MFHAS1: variants seen among roughly 807,000 people sequenced by gnomAD.
MFHAS1 encodes malignant fibrous histiocytoma-amplified sequence 1.
A neutral mutation model predicts 70.4 loss-of-function variants in MFHAS1; 50 were observed. The ratio of observed to expected loss-of-function variants is 0.71; its 90% CI spans 0.57 to 0.90. The LOEUF (loss-of-function observed/expected upper bound fraction) is 0.90, where lower values mean the gene tolerates loss of function less well. Among genes scored for constraint, MFHAS1 ranks in the 40% least tolerant of loss-of-function variants. MFHAS1 has a pLI of 0.00. For synonymous variants in MFHAS1, 952 were observed against 620.0 expected, an observed-to-expected ratio of 1.54 and a Z score of -7.96; for missense variants, 1,795 against 1,347.6, an observed-to-expected ratio of 1.33 and a Z score of -5.20.
At chr8:8,796,927 C>A (rs1466448114) in intron 2 of MFHAS1, among the ~76,000 whole-genome samples, 1 of 151,596 alleles carries the variant, frequency 6.6e-6, no homozygotes, top group South Asian at 2.1e-4. Flanking sequence ...ACCCGGGAGG[C>A]GGAGCTTGCA....
intron 1 of MFHAS1, among the ~76,000 whole-genome samples, chr8:8,853,003 C>A (rs1383818212): frequency 6.6e-6 from 1 of 152,058 alleles, no homozygotes; most frequent in East Asian, 1.9e-4. Context: ...GCCTAAAAAA[C>A]CCAATATCAC....
At chr8:8,863,796 T>G (rs1808753668) in intron 1 of MFHAS1, among the ~76,000 whole-genome samples, 1 of 152,192 alleles carries the variant, frequency 6.6e-6, no homozygotes, top group Non-Finnish European at 1.5e-5. Context: ...CTAATGAGCT[T>G]AGAAATTGAC....
At chr8:8,848,301 G>A (rs1027239270) in intron 1 of MFHAS1, among the ~76,000 whole-genome samples, 25 of 151,690 alleles carry the variant, frequency 1.6e-4, no homozygotes, top group Admixed American at 6.6e-4. Context: ...AAGGGATTAT[G>A]ACTCCAATTT....
intron 1 of MFHAS1, among the ~76,000 whole-genome samples, chr8:8,862,807 T>G (rs569691114): frequency 1.6e-4 from 25 of 152,202 alleles, no homozygotes; most frequent in South Asian, 1.0e-3. Flanking sequence ...TGGAGGAGGC[T>G]GCGCATGTGT....
At chr8:8,852,569 G>A (rs916418285) in intron 1 of MFHAS1, among the ~76,000 whole-genome samples, 5 of 152,148 alleles carry the variant, frequency 3.3e-5, no homozygotes, top group African/African-American at 9.7e-5. Context: ...AAACCAATGG[G>A]AGGATTTTAT....
chr8:8,882,979 C>T (rs554037641), intron 1 of MFHAS1, among the ~76,000 whole-genome samples: 11 of 152,024 alleles, frequency 7.2e-5, no homozygotes, highest in African/African-American at 2.7e-4. Context: ...ATGGTGAAAC[C>T]CTGTGTCTAC....
At chr8:8,850,787 G>A (rs1808216237) in intron 1 of MFHAS1, among the ~76,000 whole-genome samples, 1 of 146,846 alleles carries the variant, frequency 6.8e-6, no homozygotes. Context: ...ATCGTGCCTG[G>A]GCAACAGGAG....
chr8:8,791,035 C>A (rs1210776407), intron 2 of MFHAS1, among the ~76,000 whole-genome samples: 2 of 151,524 alleles, frequency 1.3e-5, no homozygotes, highest in Non-Finnish European at 2.9e-5. Flanking sequence ...TTTCGAAATG[C>A]AATAACTCAG....
chr8:8,846,261 A>AG lies in MFHAS1; in HGVS notation c.2998+43799dup, dbSNP rs370241850. ...GAGCGAGACTCTGTCTCCAAAAAAA[A>AG]GGGGGGGGGGGAAGGAGGAGGAGGG... is the stretch of plus-strand genomic sequence containing the variant. On this transcript the variant is annotated intron_variant, in intron 1 of 2. Coordinates refer to ENST00000276282, the MANE Select transcript of MFHAS1 (RefSeq NM_004225.3). Among the ~76,000 whole-genome samples, 506 of 61,108 alleles carry AG rather than the reference A, an allele frequency of 8.3e-3. 3 individuals carry two copies. Among genetic ancestry groups the AG allele is most frequent in the African/African-American group, 0.012 (192 of 16,292 alleles). The allele number at this position is 61,108 out of a possible 152,430, so 40.1% of individuals were successfully genotyped here.
intron 1 of MFHAS1, among the ~76,000 whole-genome samples, chr8:8,837,989 T>C (rs1325070027): frequency 2.0e-5 from 3 of 152,326 alleles, no homozygotes; most frequent in African/African-American, 4.8e-5. Flanking sequence ...TGCATGTTCA[T>C]AACAATTTTA....
chr8:8,880,660 G>C (rs1809482111), intron 1 of MFHAS1, among the ~76,000 whole-genome samples: 2 of 151,584 alleles, frequency 1.3e-5, no homozygotes, highest in East Asian at 1.9e-4. Context: ...TGTCGGTCTA[G>C]GGCAGGACAT....
chr8:8,797,319 G>A (rs1805939651), intron 2 of MFHAS1, 46 bp downstream of exon 2: 1 of 1,607,468 alleles, frequency 6.2e-7, no homozygotes, highest in Non-Finnish European at 8.5e-7. Context: ...TATGGAGCTG[G>A]GATCAGGAGC....
chr8:8,825,801 G>C (rs898435574), intron 1 of MFHAS1, among the ~76,000 whole-genome samples: 5 of 152,152 alleles, frequency 3.3e-5, no homozygotes, highest in African/African-American at 1.2e-4. Flanking sequence ...CCATAACAAA[G>C]GCTAAGTAAG....
intron 1 of MFHAS1, among the ~76,000 whole-genome samples, chr8:8,885,118 C>T (rs1054715252): frequency 1.3e-5 from 2 of 152,082 alleles, no homozygotes; most frequent in African/African-American, 4.8e-5. Context: ...CAAACACCAA[C>T]AAAACAAGTC....
intron 1 of MFHAS1, among the ~76,000 whole-genome samples, chr8:8,841,591 C>T (rs148678037): frequency 1.9e-3 from 286 of 152,298 alleles, no homozygotes; most frequent in African/African-American, 6.4e-3. Context: ...GACAATCACT[C>T]GGTCAGACAG....
chr8:8,818,857 CT>C (rs150245892), intron 1 of MFHAS1, among the ~76,000 whole-genome samples: 2,573 of 152,310 alleles, frequency 0.017, 78 homozygotes, highest in African/African-American at 0.058. Flanking sequence ...CAATGCAGAC[CT>C]TGTTCTATAA....
At chr8:8,832,425 T>TCA (rs35913215) in intron 1 of MFHAS1, among the ~76,000 whole-genome samples, 36,657 of 143,364 alleles carry the variant, frequency 0.26, 5,117 homozygotes, top group East Asian at 0.47. Flanking sequence ...ACAAGATACT[T>TCA]CACACACACA....
At chr8:8,868,727 G>T (rs747733638) in intron 1 of MFHAS1, among the ~76,000 whole-genome samples, 1 of 152,070 alleles carries the variant, frequency 6.6e-6, no homozygotes, top group African/African-American at 2.4e-5. Context: ...TCATAAAGTC[G>T]GTAGTAACCT....
chr8:8,872,258 C>A (rs1809102965), intron 1 of MFHAS1, among the ~76,000 whole-genome samples: 1 of 152,168 alleles, frequency 6.6e-6, no homozygotes, highest in Non-Finnish European at 1.5e-5. Context: ...GAGGAATGTA[C>A]ACCGTTCTAA....
Sources: gnomAD v4.1 joint callset for allele counts (sites outside exome capture counted in the v4.1 genomes callset) on GRCh38, gnomAD v4.1.1 for gene constraint, MANE v1.5 for transcripts, NCBI Gene and HGNC (gene_info 2026-07-23, HGNC 2026-07-21) for gene names.